B3GALNT2: variants seen among roughly 807,000 people sequenced by gnomAD.
B3GALNT2 encodes UDP-GalNAc:beta-1,3-N-acetylgalactosaminyltransferase 2.
Under a neutral mutation model 61.1 loss-of-function variants are expected in B3GALNT2, and 53 were observed. That is an observed-to-expected ratio of 0.87 (90% CI 0.70 to 1.09). The LOEUF is 1.09. B3GALNT2 is among the 50% of genes least tolerant of loss of function. The pLI, the probability that B3GALNT2 is intolerant of heterozygous loss-of-function variation, is 0.00. For synonymous variants in B3GALNT2, 223 were observed against 237.4 expected, an observed-to-expected ratio of 0.94 and a Z score of 0.56; for missense variants, 544 against 623.0, an observed-to-expected ratio of 0.87 and a Z score of 1.35.
At chr1:235,501,393 T>C (rs1167618686) in intron 1 of B3GALNT2, among the ~76,000 whole-genome samples, 1 of 152,246 alleles carries the variant, frequency 6.6e-6, no homozygotes, top group Non-Finnish European at 1.5e-5. Context: ...GCTCAACTGT[T>C]ACCTCTTCAG....
rs763338152 is a variant in B3GALNT2 at position 235,448,489 on chromosome 1, A to G, written c.*1717T>C. 1.5e-5 allele frequency: 24 copies of G among 1,551,432 alleles called. No homozygotes were observed. The highest frequency in any genetic ancestry group is 2.1e-5 in the Non-Finnish European group (24 of 1,123,054). On this transcript the variant is annotated 3_prime_UTR_variant, in exon 12 of 12. Transcript: ENST00000366600. ...AGTCAAAGTCAAGCTTAGTCCTCGT[A>G]TTATGACATTAAACTGTCTCTAGAT...
chr1:235,460,959 A>T (rs1683391952), intron 7 of B3GALNT2, among the ~76,000 whole-genome samples: 1 of 152,224 alleles, frequency 6.6e-6, no homozygotes, highest in South Asian at 2.1e-4. Context: ...CAAGTTAATG[A>T]GTCACTTGTC....
intron 8 of B3GALNT2, among the ~76,000 whole-genome samples, chr1:235,456,793 GC>G (rs1558410006): frequency 6.6e-6 from 1 of 152,182 alleles, no homozygotes; most frequent in African/African-American, 2.4e-5. Context: ...AGTATCCGGG[GC>G]TGACTCTTAG....
chr1:235,504,448 G>A lies in B3GALNT2; in HGVS notation c.-196C>T, dbSNP rs970480482. ...GGTCCCTCAGACCGCGGGTGGCCGCGGCTTAGCCGGCCGAAGCCCCGCCCC... is the reference window on the plus strand; with the variant it reads ...GGTCCCTCAGACCGCGGGTGGCCGCAGCTTAGCCGGCCGAAGCCCCGCCCC... On this transcript the variant is annotated 5_prime_UTR_variant, in exon 1 of 12. Transcript: ENST00000366600. The A allele has an allele frequency of 2.3e-5, 12 of 511,340 alleles. No homozygotes were observed. Among genetic ancestry groups the A allele is most frequent in the Admixed American group, 1.4e-4 (3 of 21,438 alleles). 31.7% of individuals were successfully genotyped at this position (511,340 alleles called of 1,614,324 possible).
intron 1 of B3GALNT2, among the ~76,000 whole-genome samples, chr1:235,496,866 C>A (rs1685352839): frequency 6.6e-6 from 1 of 152,086 alleles, no homozygotes; most frequent in Non-Finnish European, 1.5e-5. Context: ...ACAAATGAAA[C>A]ACCCAAAGAA....
intron 7 of B3GALNT2, among the ~76,000 whole-genome samples, chr1:235,462,204 TG>T (rs551857479): frequency 1.4e-3 from 209 of 152,320 alleles, no homozygotes; most frequent in African/African-American, 4.7e-3. Flanking sequence ...AACAGGAAAA[TG>T]GCTTGTAACA....
At chr1:235,477,227 C>A (rs1257797814) in intron 5 of B3GALNT2, among the ~76,000 whole-genome samples, 2 of 151,678 alleles carry the variant, frequency 1.3e-5, no homozygotes, top group African/African-American at 2.4e-5. Flanking sequence ...TAGAAAAGTT[C>A]AAATCACCAT....
intron 8 of B3GALNT2, 58 bp downstream of exon 8, chr1:235,458,543 CAA>C (rs371056899): frequency 1.6e-4 from 207 of 1,309,060 alleles, no homozygotes; most frequent in Admixed American, 5.8e-4. Context: ...GACCCCATCT[CAA>C]AAAAAAAAAA....
At chr1:235,482,251 C>A (rs916957543) in intron 4 of B3GALNT2, among the ~76,000 whole-genome samples, 1 of 152,092 alleles carries the variant, frequency 6.6e-6, no homozygotes, top group African/African-American at 2.4e-5. Flanking sequence ...CTCCTCCCTA[C>A]CCCACTTCTT....
chr1:235,460,605 G>C (rs569493877), intron 7 of B3GALNT2, among the ~76,000 whole-genome samples: 2 of 148,050 alleles, frequency 1.4e-5, no homozygotes, highest in South Asian at 2.1e-4. Flanking sequence ...ACAGGGTCTT[G>C]TTCTATCACC....
chr1:235,504,016 C>A, intron 1 of B3GALNT2, 125 bp downstream of exon 1: 1 of 1,046,732 alleles, frequency 9.6e-7, no homozygotes. Flanking sequence ...CCGTTTGTTT[C>A]GTCTGGGGAC....
chr1:235,474,975 ATATATATATATATTTTTTTTTTT>A (rs1487273081), intron 5 of B3GALNT2, among the ~76,000 whole-genome samples: 14 of 28,132 alleles, frequency 5.0e-4, no homozygotes, highest in African/African-American at 2.9e-3. Flanking sequence ...ATATATATAT[ATATATATATATATTTTTTTTTTT>A]TTTTTTTTTT....
intron 2 of B3GALNT2, 121 bp from the exon 3 acceptor site, chr1:235,489,389 A>C (rs1457019453): frequency 7.0e-7 from 1 of 1,433,418 alleles, no homozygotes; most frequent in East Asian, 2.5e-5. Context: ...TTAATTCTCT[A>C]CCTTTATTCT....
chr1:235,454,337 C>A, intron 9 of B3GALNT2, 22 bp from the exon 10 acceptor site: 1 of 1,594,890 alleles, frequency 6.3e-7, no homozygotes, highest in East Asian at 2.2e-5. Context: ...AATAATGTGG[C>A]CTCTTGTGTT....
chr1:235,453,703 T>C (rs947112926), intron 10 of B3GALNT2, among the ~76,000 whole-genome samples: 2 of 152,106 alleles, frequency 1.3e-5, no homozygotes, highest in Admixed American at 6.6e-5. Context: ...TGCCTTGGCG[T>C]CCGAAAGTGC....
chr1:235,480,934 A>C (rs1207341768), intron 4 of B3GALNT2, among the ~76,000 whole-genome samples: 7 of 147,346 alleles, frequency 4.8e-5, no homozygotes, highest in East Asian at 2.0e-4. Flanking sequence ...AAAAAAAAAA[A>C]AAAAAAAAAA....
intron 3 of B3GALNT2, among the ~76,000 whole-genome samples, chr1:235,488,052 C>T (rs1203031790): frequency 3.3e-5 from 5 of 152,116 alleles, no homozygotes; most frequent in African/African-American, 2.4e-5. Flanking sequence ...GAGCAGCTTT[C>T]TTTATCCTCA....
chr1:235,470,779 A>G, intron 6 of B3GALNT2, 71 bp downstream of exon 6: 2 of 1,556,560 alleles, frequency 1.3e-6, no homozygotes, highest in Non-Finnish European at 1.7e-6. Context: ...TCTAAGGTAA[A>G]TTTTAGAACA....
Position 235,448,816 on chromosome 1 carries a change from C to A in B3GALNT2, c.*1390G>T, listed in dbSNP as rs767215746. 7.8e-7 allele frequency: 1 copy of A among 1,288,380 alleles called. No individual in the cohort carries two copies. The highest frequency in any genetic ancestry group is 1.1e-6 in the Non-Finnish European group (1 of 889,052). The allele number at this position is 1,288,380 out of a possible 1,614,324, so 79.8% of individuals were successfully genotyped here. On this transcript the variant is annotated 3_prime_UTR_variant, in exon 12 of 12. Transcript: ENST00000366600. ...ACTGCTTATCGTGTCTGGGGTTCAC[C>A]GGAAATAAATGATTCACTGGAACAA...
Sources: gnomAD v4.1 joint callset for allele counts (sites outside exome capture counted in the v4.1 genomes callset) on GRCh38, gnomAD v4.1.1 for gene constraint, MANE v1.5 for transcripts, NCBI Gene and HGNC (gene_info 2026-07-23, HGNC 2026-07-21) for gene names.